ADGRA3: variants seen among roughly 807,000 people sequenced by gnomAD.
ADGRA3 encodes the protein G-protein coupled receptor 125.
A neutral mutation model predicts 119.8 loss-of-function variants in ADGRA3; 56 were observed. The observed-to-expected ratio is 0.47, with a 90% CI of 0.38 to 0.58. ADGRA3 has a LOEUF of 0.58. Ranked by LOEUF, ADGRA3 falls within the 20% of genes least tolerant of loss-of-function variation. ADGRA3 has a pLI of 0.00. For missense variants in ADGRA3, 1,516 were observed against 1,649.0 expected (o/e 0.92, Z 1.40); for synonymous variants, 607 against 623.8 (o/e 0.97, Z 0.40).
chr4:22,392,874 C>A, intron 16 of ADGRA3, 184 bp from the exon 17 acceptor site: 1 of 546,172 alleles, frequency 1.8e-6, no homozygotes. Flanking sequence ...GAATCACAAT[C>A]CTCAAATACA....
intron 3 of ADGRA3, among the ~76,000 whole-genome samples, chr4:22,455,547 T>G (rs1717207757): frequency 6.6e-6 from 1 of 152,232 alleles, no homozygotes; most frequent in Admixed American, 6.5e-5. Context: ...ATGGCCCAAT[T>G]ATTTTTGCAA....
At chr4:22,494,028 C>T (rs990945882) in intron 1 of ADGRA3, among the ~76,000 whole-genome samples, 28 of 151,958 alleles carry the variant, frequency 1.8e-4, no homozygotes, top group African/African-American at 6.8e-4. Context: ...CATGGTGAAA[C>T]CCCGTCTCTA....
At chr4:22,420,556 C>CA (rs1229135243) in intron 12 of ADGRA3, 3 of 376,066 alleles carry the variant, frequency 8.0e-6, no homozygotes, top group East Asian at 4.7e-5. Context: ...AAATCAGGAG[C>CA]AAAAAAACAA....
At chr4:22,391,237 T>A (rs553641421) in intron 17 of ADGRA3, among the ~76,000 whole-genome samples, 1 of 152,264 alleles carries the variant, frequency 6.6e-6, no homozygotes, top group East Asian at 1.9e-4. Context: ...TGCTGAGCCC[T>A]GGACTTCTAA....
At chr4:22,448,899 T>C (rs61792024) in intron 4 of ADGRA3, among the ~76,000 whole-genome samples, 3,737 of 152,288 alleles carry the variant, frequency 0.025, 87 homozygotes, top group East Asian at 0.078. Flanking sequence ...TCAGAGCAGA[T>C]ACCAAATGTG....
intron 11 of ADGRA3, among the ~76,000 whole-genome samples, chr4:22,423,327 T>C (rs545260952): frequency 2.0e-5 from 3 of 151,652 alleles, no homozygotes; most frequent in Non-Finnish European, 4.4e-5. Context: ...AAGGGAGCAA[T>C]AAAACATGGT....
In ADGRA3 at chr4:22,473,977, A is replaced by G. The variant is rs191203058; in HGVS notation, c.258-134T>C. 354 of 510,774 alleles carry G rather than the reference A, an allele frequency of 6.9e-4. 4 individuals carry two copies. In the Admixed American group the frequency reaches 8.2e-3, roughly 12 times the overall value. 31.6% of individuals were successfully genotyped at this position (510,774 alleles called of 1,614,324 possible). A position where few individuals can be genotyped will look rare whatever the true frequency, so the allele number is the denominator to read the frequency against. On this transcript the variant is annotated intron_variant, in intron 1 of 18. Transcript: ENST00000334304. ...AGCCAGAATGTTTGAGATGGCTGAAAAAAAGTGAGTGTCTTCCCCTTTCTC... is the reference window on the plus strand; with the variant it reads ...AGCCAGAATGTTTGAGATGGCTGAAGAAAAGTGAGTGTCTTCCCCTTTCTC...
chr4:22,431,923 T>C lies in ADGRA3; in HGVS notation c.1443+3388A>G, dbSNP rs527748342. ...CTCTAGGGATTTTATAAGTTTTACT[T>C]ACATCAATTAGCATATGGTCAATTT... On this transcript the variant is annotated intron_variant, in intron 10 of 18. Transcript: ENST00000334304. Among the ~76,000 whole-genome samples, 182 of 152,284 alleles carry C rather than the reference T, an allele frequency of 1.2e-3. 1 individual carries two copies. The highest frequency in any genetic ancestry group is 4.3e-3 in the African/African-American group (177 of 41,550).
chr4:22,465,454 G>A (rs987207072), intron 2 of ADGRA3, among the ~76,000 whole-genome samples: 2 of 152,176 alleles, frequency 1.3e-5, no homozygotes, highest in Admixed American at 1.3e-4. Flanking sequence ...TCTGAGTCTG[G>A]AGCTGCTAAC....
In ADGRA3 at chr4:22,428,460, C is replaced by T. The variant is rs935482694; in HGVS notation, c.1444-4108G>A. ...AGTGATCTAGGCCGTTCCATATTTA[C>T]ATTTTCAATCATCGAGTAGCAAAAG... On this transcript the variant is annotated intron_variant, in intron 10 of 18. Transcript: ENST00000334304. Among the ~76,000 whole-genome samples, 3 of 152,124 alleles carry T rather than the reference C, an allele frequency of 2.0e-5. No homozygotes were observed. In the South Asian group the frequency reaches 6.2e-4, roughly 32 times the overall value.
At chr4:22,414,378 A>T (rs544872319) in intron 12 of ADGRA3, 1 of 413,388 alleles carries the variant, frequency 2.4e-6, no homozygotes, top group Admixed American at 4.1e-5. Context: ...AAAAATAATA[A>T]CACATAGGAA....
chr4:22,483,442 G>A (rs567505706), intron 1 of ADGRA3, among the ~76,000 whole-genome samples: 8 of 152,280 alleles, frequency 5.3e-5, no homozygotes, highest in Admixed American at 2.0e-4. Context: ...ATAAATCTCA[G>A]TCCCAGCCTT....
chr4:22,411,941 T>G (rs10012247), intron 14 of ADGRA3, among the ~76,000 whole-genome samples: 1 of 151,780 alleles, frequency 6.6e-6, no homozygotes, highest in Non-Finnish European at 1.5e-5. Flanking sequence ...ATAAGTTGAA[T>G]TGAAACAACA....
Position 22,436,574 on chromosome 4 carries a change from T to G in ADGRA3, c.1153A>C (p.Ile385Leu). The change falls in exon 9 of 19, where the codon ATA (isoleucine) becomes CTA (leucine). Residue 385 changes from isoleucine to leucine, a missense_variant. By Grantham distance (5) the Ile-to-Leu change is conservative (BLOSUM62 2). This residue lies in a region of ADGRA3 where 428 missense variants were observed against 541.9 expected (regional missense o/e 0.79). Transcript: ENST00000334304. ...QCTRNTHGSG[I>L]YPGNPQDERK... Reference sequence around the variant, plus strand: ...TCATCCTGTGGGTTTCCGGGATATATCCCACTGCCATGGGTGTTCCGCGTA... The same window carrying G: ...TCATCCTGTGGGTTTCCGGGATATAGCCCACTGCCATGGGTGTTCCGCGTA... 2.5e-6 allele frequency: 4 copies of G among 1,614,064 alleles called. No homozygotes were observed. The Middle Eastern group carries it at 5.0e-4, about 200-fold the overall frequency.
At chr4:22,391,199 T>A (rs1046167417) in intron 17 of ADGRA3, among the ~76,000 whole-genome samples, 6 of 152,106 alleles carry the variant, frequency 3.9e-5, no homozygotes, top group Admixed American at 3.9e-4. Flanking sequence ...CTCCTGCTCC[T>A]CCTAGACAAT....
intron 1 of ADGRA3, among the ~76,000 whole-genome samples, chr4:22,485,009 T>C (rs574606059): frequency 6.6e-6 from 1 of 152,200 alleles, no homozygotes; most frequent in African/African-American, 2.4e-5. Flanking sequence ...CTCTGCTTAA[T>C]TTTCCAGAAG....
intron 17 of ADGRA3, among the ~76,000 whole-genome samples, chr4:22,391,769 C>A (rs567615781): frequency 1.3e-5 from 2 of 152,278 alleles, no homozygotes; most frequent in Non-Finnish European, 2.9e-5. Context: ...TCTGAGGCTC[C>A]AGCCAAACTG....
chr4:22,455,796 A>G (rs903012432), intron 3 of ADGRA3: 1 of 1,287,142 alleles, frequency 7.8e-7, no homozygotes, highest in African/African-American at 1.5e-5. Flanking sequence ...CACTGACAAT[A>G]TCTGTAACTT....
At chr4:22,502,204 T>TAA (rs1423115110) in intron 1 of ADGRA3, among the ~76,000 whole-genome samples, 15 of 152,172 alleles carry the variant, frequency 9.9e-5, no homozygotes, top group African/African-American at 3.6e-4. Flanking sequence ...AAGAATGGTT[T>TAA]AAGTAGTAAA....
Sources: allele counts gnomAD v4.1 joint callset (sites outside exome capture counted in the v4.1 genomes callset), GRCh38; gene constraint gnomAD v4.1.1; regional missense constraint gnomAD v4.1.1; transcripts MANE v1.5; gene names NCBI Gene and HGNC (gene_info 2026-07-23, HGNC 2026-07-21).